Variants in GPR55 observed in about 807,000 individuals in gnomAD.
GPR55 encodes G protein-coupled receptor 55.
GPR55 carries 6 observed loss-of-function variants against 7.9 expected under a neutral mutation model. That is an observed-to-expected ratio of 0.76 (90% CI 0.41 to 1.49). The LOEUF is 1.49. Ranked by LOEUF, GPR55 falls within the 40% of genes most tolerant of loss-of-function variation. The pLI, the probability that GPR55 is intolerant of heterozygous loss-of-function variation, is 0.01. For missense variants in GPR55, 376 were observed against 406.0 expected, an observed-to-expected ratio of 0.93 and a Z score of 0.63; for synonymous variants, 183 against 166.8, an observed-to-expected ratio of 1.10 and a Z score of -0.75.
At chr2:230,941,103 C>CAAGA (rs1389224336) in intron 1 of GPR55, among the ~76,000 whole-genome samples, 1 of 151,384 alleles carries the variant, frequency 6.6e-6, no homozygotes, top group Non-Finnish European at 1.5e-5. Flanking sequence ...GGCGACAGAG[C>CAAGA]AAGACTCCAT....
chr2:230,955,196 A>C (rs1349001256), intron 1 of GPR55, among the ~76,000 whole-genome samples: 4 of 152,188 alleles, frequency 2.6e-5, no homozygotes, highest in Non-Finnish European at 5.9e-5. Flanking sequence ...TTCACAATCC[A>C]CTGTTGAAAT....
At chr2:230,960,779 C>T (rs1691555329) in exon 1 of GPR55, 1 of 152,160 alleles carries the variant, frequency 6.6e-6, no homozygotes, top group Admixed American at 6.5e-5. Context: ...ACTTACCTTC[C>T]AGAAGCAGAA....
upstream of GPR55, among the ~76,000 whole-genome samples, chr2:230,927,716 T>C (rs1690966376): frequency 6.6e-6 from 1 of 152,214 alleles, no homozygotes; most frequent in Admixed American, 6.5e-5. Flanking sequence ...AGGAACCAGC[T>C]TCTTCTAGGG....
chr2:230,937,902 C>T (rs1245314231), intron 1 of GPR55, among the ~76,000 whole-genome samples: 1 of 151,996 alleles, frequency 6.6e-6, no homozygotes. Flanking sequence ...TGCTTGTAAT[C>T]CTCACATTTT....
chr2:230,912,988 A>G (rs1473419608), intron 1 of GPR55, among the ~76,000 whole-genome samples: 1 of 152,204 alleles, frequency 6.6e-6, no homozygotes, highest in Non-Finnish European at 1.5e-5. Context: ...GCATGCATAC[A>G]TATACATGTA....
chr2:230,947,690 C>G (rs1320514343), intron 1 of GPR55, among the ~76,000 whole-genome samples: 1 of 151,900 alleles, frequency 6.6e-6, no homozygotes, highest in Non-Finnish European at 1.5e-5. Context: ...TTTGTAGAGA[C>G]TAGGTCTTAC....
At chr2:230,952,162 C>G (rs188985507) in intron 1 of GPR55, among the ~76,000 whole-genome samples, 3 of 152,150 alleles carry the variant, frequency 2.0e-5, no homozygotes, top group African/African-American at 7.2e-5. Flanking sequence ...GTGGGCAAAC[C>G]CTCCTGCAGG....
At chr2:230,934,899 T>C (rs1336121612) in intron 1 of GPR55, among the ~76,000 whole-genome samples, 1 of 152,138 alleles carries the variant, frequency 6.6e-6, no homozygotes, top group Non-Finnish European at 1.5e-5. Context: ...GGCATTGTCC[T>C]GTTGGGTTGG....
In GPR55 at chr2:230,910,321, G is replaced by A; in HGVS notation, c.642C>T (p.His214=). 1 of 1,614,126 alleles carries A rather than the reference G, an allele frequency of 6.2e-7. No individual in the cohort carries two copies. The highest frequency in any genetic ancestry group is 8.5e-7 in the Non-Finnish European group (1 of 1,179,988). The change falls in exon 2 of 2, where the codon CAC becomes CAT. Residue 214 remains histidine (H), a synonymous_variant. Coordinates refer to ENST00000650999, the MANE Select transcript of GPR55 (RefSeq NM_005683.4). This position sits in a 1 kb window ranked among gnomAD's most constrained non-coding sequence, Gnocchi z 5.4. ...CTTTCTGCTGCACCCAGTCCTGGGTGTGGTCTCGGCGGCCCAGCAGGATGT... is the reference window on the plus strand; with the variant it reads ...CTTTCTGCTGCACCCAGTCCTGGGTATGGTCTCGGCGGCCCAGCAGGATGT... The part of the protein sequence containing the change: ...SIHILLGRRD[H]TQDWVQQKAC...
chr2:230,932,574 G>T (rs1242511832), intron 1 of GPR55, among the ~76,000 whole-genome samples: 1 of 152,130 alleles, frequency 6.6e-6, no homozygotes, highest in Admixed American at 6.5e-5. Context: ...TATGATAAAG[G>T]TACATAAAGC....
intron 1 of GPR55, among the ~76,000 whole-genome samples, chr2:230,959,035 A>C (rs1479390389): frequency 6.6e-6 from 1 of 152,224 alleles, no homozygotes; most frequent in Middle Eastern, 3.2e-3. Flanking sequence ...AGGTCACAGC[A>C]GTTCCAAAAA....
intron 1 of GPR55, among the ~76,000 whole-genome samples, chr2:230,956,294 A>T (rs1388615192): frequency 2.6e-5 from 4 of 151,908 alleles, no homozygotes; most frequent in Non-Finnish European, 5.9e-5. Context: ...CCTCCCGAGT[A>T]CCTGGGACTA....
In GPR55 at chr2:230,910,026, C is replaced by G. The variant is rs758394042; in HGVS notation, c.937G>C (p.Asp313His). The change falls in exon 2 of 2, where the codon GAC becomes CAC. Residue 313 changes from aspartate (D) to histidine (H), a missense_variant. Physicochemically the swap from Asp to His is moderately conservative, Grantham distance 81. Transcript: ENST00000650999. The surrounding 1 kb of genome is among the most constrained non-coding windows in gnomAD (Gnocchi z 5.4). ...CGTTAGCCCCGGGAGATCGTGGTGTCCTGCAGGACCAGCTGGACCCTGGAA... is the reference window on the plus strand; with the variant it reads ...CGTTAGCCCCGGGAGATCGTGGTGTGCTGCAGGACCAGCTGGACCCTGGAA... ...RPSRVQLVLQ[D>H]TTISRG 61 of 1,613,626 alleles carry G rather than the reference C, an allele frequency of 3.8e-5. 1 individual carries two copies. In the Admixed American group the frequency reaches 9.0e-4, roughly 24 times the overall value.
At chr2:230,918,778 C>T (rs1690771268) in intron 1 of GPR55, among the ~76,000 whole-genome samples, 1 of 152,110 alleles carries the variant, frequency 6.6e-6, no homozygotes, top group Non-Finnish European at 1.5e-5. Context: ...TTTTGTATCA[C>T]ATCATTAGAG....
chr2:230,935,867 TTTCC>T (rs1485716521), intron 1 of GPR55, among the ~76,000 whole-genome samples: 2 of 152,254 alleles, frequency 1.3e-5, no homozygotes, highest in Non-Finnish European at 2.9e-5. Context: ...CAATGAGCAT[TTTCC>T]TTGAGTGCAT....
intron 1 of GPR55, among the ~76,000 whole-genome samples, chr2:230,931,943 C>A (rs114705662): frequency 6.6e-6 from 1 of 152,238 alleles, no homozygotes; most frequent in East Asian, 1.9e-4. Flanking sequence ...GCACCCCTCA[C>A]CCCTTCCCTG....
intron 1 of GPR55, among the ~76,000 whole-genome samples, chr2:230,938,716 C>A (rs1390632522): frequency 2.6e-5 from 4 of 152,334 alleles, no homozygotes; most frequent in Non-Finnish European, 4.4e-5. Context: ...GAGCCAGGGC[C>A]TCTTGTCCAG....
At chr2:230,955,747 G>T (rs1273714253) in intron 1 of GPR55, among the ~76,000 whole-genome samples, 1 of 152,126 alleles carries the variant, frequency 6.6e-6, no homozygotes, top group African/African-American at 2.4e-5. Context: ...TTGAGACGGG[G>T]TCTCATTCCA....
At chr2:230,918,635 G>A (rs1334241128) in intron 1 of GPR55, among the ~76,000 whole-genome samples, 1 of 152,056 alleles carries the variant, frequency 6.6e-6, no homozygotes, top group Non-Finnish European at 1.5e-5. Context: ...ATACAATTAT[G>A]AATATATATG....
Sources: gnomAD v4.1 joint callset for allele counts (sites outside exome capture counted in the v4.1 genomes callset) on GRCh38, gnomAD v4.1.1 for gene constraint, Gnocchi (gnomAD v3.1) non-coding constraint, MANE v1.5 for transcripts, NCBI Gene and HGNC (gene_info 2026-07-23, HGNC 2026-07-21) for gene names.